Variants in RBFOX1 observed in about 807,000 individuals in gnomAD.
RBFOX1 encodes RNA binding protein fox-1 homolog 1.
A neutral mutation model predicts 57.7 loss-of-function variants in RBFOX1; 8 were observed. That is an observed-to-expected ratio of 0.14 (90% CI 0.08 to 0.25). The LOEUF is 0.25. Among genes scored for constraint, RBFOX1 ranks in the 10% least tolerant of loss-of-function variants. The pLI, the probability that RBFOX1 is intolerant of heterozygous loss-of-function variation, is 1.00. For synonymous variants in RBFOX1, 326 were observed against 222.4 expected (o/e 1.47, Z -4.15); for missense variants, 611 against 548.5 (o/e 1.11, Z -1.14).
At chr16:7,389,446 A>G (rs572249729) in intron 4 of RBFOX1, among the ~76,000 whole-genome samples, 5 of 152,200 alleles carry the variant, frequency 3.3e-5, no homozygotes, top group African/African-American at 1.2e-4. Flanking sequence ...ATTTAATGAA[A>G]TGTTGATTGG....
In RBFOX1 at chr16:7,282,296, T is replaced by A. The variant is rs188414548; in HGVS notation, c.27+230198T>A. Among the ~76,000 whole-genome samples, 10 of 152,332 alleles carry A rather than the reference T, an allele frequency of 6.6e-5. No individual in the cohort carries two copies. In the East Asian group the frequency reaches 1.9e-3, roughly 29 times the overall value. On this transcript the variant is annotated intron_variant, in intron 4 of 15. Coordinates refer to ENST00000550418, the MANE Select transcript of RBFOX1 (RefSeq NM_018723.4). The stretch of plus-strand genomic sequence containing the variant: ...GCATTTGCAAAGGGGATTTCATTTA[T>A]TCCTGGATGCCACAGTTACTTGTTC...
intron 4 of RBFOX1, among the ~76,000 whole-genome samples, chr16:7,230,979 G>C (rs1168254595): frequency 6.6e-6 from 1 of 152,104 alleles, no homozygotes; most frequent in Non-Finnish European, 1.5e-5. Context: ...CTGGGTCTGA[G>C]TCCCAGAATT....
chr16:6,567,488 C>G (rs1313974098), intron 2 of RBFOX1, among the ~76,000 whole-genome samples: 1 of 152,164 alleles, frequency 6.6e-6, no homozygotes, highest in African/African-American at 2.4e-5. Context: ...CTTGGCTGCT[C>G]CAGCCACAGA....
intron 3 of RBFOX1, among the ~76,000 whole-genome samples, chr16:5,789,535 T>A (rs893648366): frequency 1.3e-5 from 2 of 152,166 alleles, no homozygotes; most frequent in Non-Finnish European, 2.9e-5. Context: ...GTTAGTTTCA[T>A]CATCATCATC....
intron 4 of RBFOX1, among the ~76,000 whole-genome samples, chr16:7,249,002 C>G (rs956197495): frequency 1.3e-5 from 2 of 152,048 alleles, no homozygotes; most frequent in African/African-American, 4.8e-5. Flanking sequence ...TTTTGCAAGA[C>G]TGAGAGTGGG....
chr16:5,456,761 G>T (rs2068642386), intron 1 of RBFOX1, among the ~76,000 whole-genome samples: 1 of 152,106 alleles, frequency 6.6e-6, no homozygotes, highest in African/African-American at 2.4e-5. Context: ...CCCTGTGAAG[G>T]GCAGCCCTGG....
chr16:7,008,450 G>T (rs1321981099), intron 3 of RBFOX1, among the ~76,000 whole-genome samples: 1 of 151,992 alleles, frequency 6.6e-6, no homozygotes, highest in Non-Finnish European at 1.5e-5. Context: ...AGAGGCAGCA[G>T]AATCGCTTGA....
chr16:5,318,377 C>A (rs1164442324), intron 1 of RBFOX1, among the ~76,000 whole-genome samples: 1 of 152,132 alleles, frequency 6.6e-6, no homozygotes, highest in African/African-American at 2.4e-5. Context: ...GATGCACCCA[C>A]CTTGGCCTCC....
intron 3 of RBFOX1, among the ~76,000 whole-genome samples, chr16:6,869,977 G>A (rs1202359622): frequency 6.6e-6 from 1 of 152,038 alleles, no homozygotes; most frequent in African/African-American, 2.4e-5. Context: ...ATAAAATAAG[G>A]GATCAAAGGT....
chr16:7,645,001 C>T (rs1172136421), intron 11 of RBFOX1, among the ~76,000 whole-genome samples: 1 of 152,146 alleles, frequency 6.6e-6, no homozygotes, highest in East Asian at 1.9e-4. Context: ...GACATTTTAG[C>T]CTCTTACAAT....
rs553693474 is a variant in RBFOX1, at chr16:7,323,667, C to A, written c.28-194480C>A. Among the ~76,000 whole-genome samples, 3 of 152,312 alleles carry A rather than the reference C, an allele frequency of 2.0e-5. No individual in the cohort carries two copies. In the East Asian group the frequency reaches 5.8e-4, roughly 29 times the overall value. Reference sequence around the variant, plus strand: ...TTACTAATGTACTAGATGGAACAGACTCTACTTCATAGGAATGAAGAGGGG... The same window carrying A: ...TTACTAATGTACTAGATGGAACAGAATCTACTTCATAGGAATGAAGAGGGG... On this transcript the variant is annotated intron_variant, in intron 4 of 15. Coordinates refer to ENST00000550418, the MANE Select transcript of RBFOX1 (RefSeq NM_018723.4).
chr16:5,282,653 T>C (rs966867153), intron 1 of RBFOX1, among the ~76,000 whole-genome samples: 9 of 152,184 alleles, frequency 5.9e-5, no homozygotes, highest in Non-Finnish European at 1.3e-4. Flanking sequence ...TTGTGGAATT[T>C]TGAACTTGAG....
At chr16:6,316,567 A>G (rs1271585281) in intron 1 of RBFOX1, among the ~76,000 whole-genome samples, 1 of 152,210 alleles carries the variant, frequency 6.6e-6, no homozygotes, top group East Asian at 1.9e-4. Context: ...AAAATCCATA[A>G]TGATATATCT....
At chr16:5,923,172 T>A (rs1297382805) in intron 4 of RBFOX1, among the ~76,000 whole-genome samples, 1 of 152,186 alleles carries the variant, frequency 6.6e-6, no homozygotes, top group Non-Finnish European at 1.5e-5. Context: ...AAACGGCTGC[T>A]AATGTAGTGG....
At chr16:6,232,237 C>A (rs893330155) in intron 1 of RBFOX1, among the ~76,000 whole-genome samples, 1 of 152,118 alleles carries the variant, frequency 6.6e-6, no homozygotes, top group African/African-American at 2.4e-5. Flanking sequence ...GTGTGAGTAC[C>A]GGCTGGACGG....
chr16:5,871,381 G>A (rs550969193), intron 4 of RBFOX1, among the ~76,000 whole-genome samples: 3 of 152,344 alleles, frequency 2.0e-5, no homozygotes, highest in Non-Finnish European at 2.9e-5. Context: ...TCCACATGAT[G>A]AATGGAATGC....
intron 2 of RBFOX1, among the ~76,000 whole-genome samples, chr16:6,516,832 C>G (rs1431683729): frequency 6.6e-6 from 1 of 152,008 alleles, no homozygotes; most frequent in Non-Finnish European, 1.5e-5. Context: ...CAAAACCTGC[C>G]CAGGTGTGGA....
rs142347139 is a variant in RBFOX1 at position 5,951,111 on chromosome 16, C to T, written c.351+83776C>T. Reference sequence around the variant, plus strand: ...GGGGCCTCACAGAGACCTATACAATCTGAATGAATAGAGAGAGATATCCTG... The same window carrying T: ...GGGGCCTCACAGAGACCTATACAATTTGAATGAATAGAGAGAGATATCCTG... On this transcript the variant is annotated intron_variant, in intron 4 of 19. Coordinates refer to the RBFOX1 transcript ENST00000641259. Among the ~76,000 whole-genome samples, 41 of 152,162 alleles carry T rather than the reference C, an allele frequency of 2.7e-4. No individual in the cohort carries two copies. The East Asian group carries it at 7.9e-3, about 29-fold the overall frequency.
chr16:5,529,651 C>T (rs932298036), intron 2 of RBFOX1, among the ~76,000 whole-genome samples: 1 of 151,818 alleles, frequency 6.6e-6, no homozygotes, highest in Non-Finnish European at 1.5e-5. Context: ...ACTGCAATCT[C>T]CACCTCCCGG....
Sources: allele counts gnomAD v4.1 joint callset (sites outside exome capture counted in the v4.1 genomes callset), GRCh38; gene constraint gnomAD v4.1.1; transcripts MANE v1.5; gene names NCBI Gene and HGNC (gene_info 2026-07-23, HGNC 2026-07-21).